The following IBTK variants were observed in gnomAD, a reference collection of about 807,000 sequenced individuals.
The protein encoded by IBTK is inhibitor of Bruton tyrosine kinase, also known as BTK-binding protein.
IBTK carries 83 observed loss-of-function variants against 154.9 expected under a neutral mutation model. The ratio of observed to expected loss-of-function variants is 0.54; its 90% confidence interval spans 0.45 to 0.64. The LOEUF (loss-of-function observed/expected upper bound fraction) is 0.64, where lower values mean the gene tolerates loss of function less well. Ranked by LOEUF, IBTK falls within the 30% of genes least tolerant of loss-of-function variation. The pLI is 0.00. For missense variants in IBTK, 1,332 were observed against 1,584.6 expected (o/e 0.84, Z 2.71); for synonymous variants, 515 against 536.1 (o/e 0.96, Z 0.54).
At chr6:82,190,258 T>A (rs947560693) in intron 25 of IBTK, among the ~76,000 whole-genome samples, 1 of 152,164 alleles carries the variant, frequency 6.6e-6, no homozygotes, top group Non-Finnish European at 1.5e-5. Context: ...AGAAAAATAT[T>A]CCTTCTTACA....
intron 1 of IBTK, 81 bp downstream of exon 1, chr6:82,247,481 A>G (rs1231065373): frequency 7.5e-6 from 3 of 397,770 alleles, no homozygotes; most frequent in Non-Finnish European, 1.3e-5. Context: ...CGCACCCTCC[A>G]GAAGGCGAAT....
At chr6:82,215,697 G>C (rs1222196856) in intron 11 of IBTK, among the ~76,000 whole-genome samples, 1 of 141,632 alleles carries the variant, frequency 7.1e-6, no homozygotes. Context: ...TGAGGCAAGA[G>C]AACTGCTTCA....
At chr6:82,194,935 T>C (rs930626791) in intron 22 of IBTK, among the ~76,000 whole-genome samples, 1 of 152,168 alleles carries the variant, frequency 6.6e-6, no homozygotes, top group African/African-American at 2.4e-5. Flanking sequence ...ATAAAAGTTG[T>C]ACAAATAAGA....
chr6:82,227,513 C>A (rs545081777), intron 4 of IBTK, among the ~76,000 whole-genome samples: 15 of 151,256 alleles, frequency 9.9e-5, no homozygotes, highest in African/African-American at 3.4e-4. Flanking sequence ...AACATTGACA[C>A]GAAAAAAAAG....
At chr6:82,224,337 C>G in intron 6 of IBTK, 152 bp from the exon 7 acceptor site, 1 of 612,502 alleles carries the variant, frequency 1.6e-6, no homozygotes, top group Non-Finnish European at 2.9e-6. Context: ...GATCTCAGCA[C>G]TCATACTAAG....
At chr6:82,172,625 A>G (rs1475019915) in intron 27 of IBTK, 113 bp from the exon 28 acceptor site, 12 of 840,896 alleles carry the variant, frequency 1.4e-5, no homozygotes, top group Non-Finnish European at 1.8e-5. Context: ...CCTACAATGA[A>G]CGAACCTGGA....
chr6:82,227,262 T>A lies in IBTK; in HGVS notation c.584A>T (p.Lys195Ile). Residue 195 changes from lysine to isoleucine, a missense_variant, in exon 5 of 29, where the codon AAA becomes ATA. Lys to Ile is a moderately radical substitution (Grantham distance 102). This residue lies in a region of IBTK where 114 missense variants were observed against 213.7 expected (regional missense o/e 0.53). Transcript: ENST00000306270. ...ATGACCACAGGTATAAACCTGCCCT[T>A]TCTGAGACAGAAACACGGAGTGAAA... The part of the protein sequence containing the change: ...CKFHSVFLSQ[K>I]GQVYTCGHGP... 1 of 1,611,172 alleles carries A rather than the reference T, an allele frequency of 6.2e-7. No homozygotes were observed. The highest frequency in any genetic ancestry group is 1.1e-5 in the South Asian group (1 of 90,510).
At chr6:82,236,519 A>G (rs1424054385) in intron 2 of IBTK, among the ~76,000 whole-genome samples, 5 of 152,196 alleles carry the variant, frequency 3.3e-5, no homozygotes, top group Admixed American at 3.3e-4. Flanking sequence ...AGTCTTTACC[A>G]GCCATGCATC....
chr6:82,198,927 CT>C (rs1320215089), intron 21 of IBTK, among the ~76,000 whole-genome samples: 1 of 151,648 alleles, frequency 6.6e-6, no homozygotes, highest in Non-Finnish European at 1.5e-5. Context: ...CAGTTTTATA[CT>C]AGTTAGAAGA....
chr6:82,232,650 C>A (rs1261633317), intron 3 of IBTK, among the ~76,000 whole-genome samples: 6 of 152,146 alleles, frequency 3.9e-5, no homozygotes, highest in South Asian at 2.1e-4. Flanking sequence ...TTCTTTTCTG[C>A]CAATTCCCAC....
At chr6:82,197,601 G>A (rs1261195049) in intron 21 of IBTK, among the ~76,000 whole-genome samples, 1 of 152,082 alleles carries the variant, frequency 6.6e-6, no homozygotes, top group Non-Finnish European at 1.5e-5. Flanking sequence ...TGGAGCTCCT[G>A]ATTTTGTGGT....
At chr6:82,216,002 C>A in intron 11 of IBTK, 74 bp downstream of exon 11, 1 of 1,093,156 alleles carries the variant, frequency 9.1e-7, no homozygotes, top group Non-Finnish European at 1.3e-6. Context: ...AAATTTGCAC[C>A]AGCAGCTACT....
At chr6:82,187,734 T>A (rs1768605886) in intron 25 of IBTK, among the ~76,000 whole-genome samples, 1 of 152,182 alleles carries the variant, frequency 6.6e-6, no homozygotes, top group African/African-American at 2.4e-5. Context: ...GACATGAGCA[T>A]GAAAATTGTT....
At chr6:82,191,322 A>G in intron 24 of IBTK, 106 bp from the exon 25 acceptor site, 1 of 866,068 alleles carries the variant, frequency 1.2e-6, no homozygotes, top group Admixed American at 3.0e-5. Flanking sequence ...TTTCTGCTTA[A>G]TAAAGGTTAC....
intron 2 of IBTK, among the ~76,000 whole-genome samples, chr6:82,235,547 T>C (rs1189402536): frequency 2.6e-5 from 4 of 151,946 alleles, no homozygotes; most frequent in African/African-American, 7.3e-5. Context: ...TGAACCGAGA[T>C]CGCGCCACTG....
intron 17 of IBTK, among the ~76,000 whole-genome samples, chr6:82,203,203 C>T (rs1379710479): frequency 6.6e-6 from 1 of 152,006 alleles, no homozygotes; most frequent in Non-Finnish European, 1.5e-5. Context: ...ATATTCTTCA[C>T]ACCAGTGAAA....
intron 3 of IBTK, among the ~76,000 whole-genome samples, chr6:82,232,909 T>G (rs1770562593): frequency 6.6e-6 from 1 of 152,086 alleles, no homozygotes; most frequent in Non-Finnish European, 1.5e-5. Flanking sequence ...TCCCAGCACT[T>G]TGGGAGACCG....
chr6:82,213,923 G>A (rs1769755190), intron 12 of IBTK, among the ~76,000 whole-genome samples: 1 of 151,042 alleles, frequency 6.6e-6, no homozygotes, highest in Non-Finnish European at 1.5e-5. Flanking sequence ...TTGGGGAGGG[G>A]AAAGAAAAGC....
chr6:82,226,775 T>A (rs770648331), intron 5 of IBTK, among the ~76,000 whole-genome samples: 23 of 152,084 alleles, frequency 1.5e-4, no homozygotes, highest in Non-Finnish European at 2.9e-4. Flanking sequence ...CCCAGCTAAT[T>A]TTGTATTTTT....
Sources: gnomAD v4.1 joint callset for allele counts (sites outside exome capture counted in the v4.1 genomes callset) on GRCh38, gnomAD v4.1.1 for gene constraint, gnomAD v4.1.1 regional missense constraint, MANE v1.5 for transcripts, NCBI Gene and HGNC (gene_info 2026-07-23, HGNC 2026-07-21) for gene names.